The following PTGR1 variants were observed in gnomAD, a reference collection of about 807,000 sequenced individuals.
PTGR1 encodes the protein 15-oxoprostaglandin 13-reductase.
PTGR1 carries 23 observed loss-of-function variants against 37.7 expected under a neutral mutation model. The observed-to-expected ratio is 0.61, with a 90% CI of 0.44 to 0.86. The LOEUF (loss-of-function observed/expected upper bound fraction) is 0.86. Ranked by LOEUF, PTGR1 falls within the 40% of genes least tolerant of loss-of-function variation. PTGR1 has a pLI of 0.00. For synonymous variants in PTGR1, 134 were observed against 140.0 expected (o/e 0.96, Z 0.30); for missense variants, 351 against 394.3 (o/e 0.89, Z 0.93).
At chr9:111,559,277 C>A (rs1036318484), downstream of PTGR1, among the ~76,000 whole-genome samples, 2 of 152,098 alleles carry the variant, frequency 1.3e-5, no homozygotes, top group African/African-American at 4.8e-5. Flanking sequence ...TTACTTTGGG[C>A]CCTTAAACTC....
downstream of PTGR1, among the ~76,000 whole-genome samples, chr9:111,558,062 G>A (rs889915259): frequency 1.3e-5 from 2 of 152,084 alleles, no homozygotes; most frequent in Admixed American, 1.3e-4. Context: ...CAGGAAAATT[G>A]CTTGAACCCG....
At chr9:111,593,302 C>A (rs1203593206) in intron 3 of PTGR1, among the ~76,000 whole-genome samples, 2 of 152,048 alleles carry the variant, frequency 1.3e-5, no homozygotes, top group Non-Finnish European at 2.9e-5. Flanking sequence ...AAAATAGAAC[C>A]CAGGCACCAC....
At chr9:111,579,531 A>G (rs1039378288) in intron 6 of PTGR1, among the ~76,000 whole-genome samples, 3 of 152,082 alleles carry the variant, frequency 2.0e-5, no homozygotes, top group Non-Finnish European at 4.4e-5. Flanking sequence ...AGTAGCTGGG[A>G]CCACAGGTGC....
chr9:111,595,163 G>A (rs908731300), intron 2 of PTGR1, among the ~76,000 whole-genome samples: 1 of 151,838 alleles, frequency 6.6e-6, no homozygotes, highest in Non-Finnish European at 1.5e-5. Context: ...CCTGTTTTTG[G>A]TATTCTAAAA....
chr9:111,558,939 A>G (rs991947052), downstream of PTGR1, among the ~76,000 whole-genome samples: 2 of 152,040 alleles, frequency 1.3e-5, no homozygotes, highest in African/African-American at 2.4e-5. Flanking sequence ...ACCATCTTCT[A>G]TCACCACCAC....
At chr9:111,566,637 T>C (rs1462142086) in intron 9 of PTGR1, among the ~76,000 whole-genome samples, 1 of 152,214 alleles carries the variant, frequency 6.6e-6, no homozygotes, top group African/African-American at 2.4e-5. Context: ...ACTTGGGACC[T>C]GGAAGAGCTG....
Position 111,574,746 on chromosome 9 carries a change from G to C in PTGR1, c.748C>G (p.Pro250Ala). The change falls in exon 8 of 10, where the codon CCA (proline) becomes GCA (alanine). Residue 250 changes from proline (P) to alanine (A), a missense_variant. Physicochemically the swap from Pro to Ala is conservative, Grantham distance 27. Transcript: ENST00000407693. ...GAISTYNRTG[P>A]LPPGPPPEIV... is the part of the protein sequence containing the mutation. ...ATGTGCTCATTACCTGGGGGAAGTG[G>C]GCCGGTTCTGTTATATGTAGAGATG... The C allele has an allele frequency of 6.2e-7, 1 of 1,612,332 alleles. No individual in the cohort carries two copies. Among genetic ancestry groups the C allele is most frequent in the African/African-American group, 1.3e-5 (1 of 74,904 alleles).
intron 9 of PTGR1, 86 bp from the exon 10 acceptor site, chr9:111,563,317 G>T: frequency 1.5e-6 from 2 of 1,298,624 alleles, no homozygotes; most frequent in Non-Finnish European, 2.1e-6. Flanking sequence ...AATTTATCAG[G>T]TACATCATTG....
At chr9:111,569,373 A>C (rs1828709982) in intron 9 of PTGR1, among the ~76,000 whole-genome samples, 2 of 152,236 alleles carry the variant, frequency 1.3e-5, no homozygotes, top group African/African-American at 4.8e-5. Context: ...AGCCAAGGGA[A>C]GAAAGCATAT....
Position 111,597,353 on chromosome 9 carries a change from A to G in PTGR1, c.70T>C (p.Leu24=), listed in dbSNP as rs1168191403. The change falls in exon 2 of 10, where the codon TTG becomes CTG. Residue 24 remains leucine (L), a synonymous_variant. Transcript: ENST00000407693. ...AAGGGTGGGAGCTCAGCTGTCTTCA[A>G]CTCAAAGTCACTATTAGTAGGATAG... is the stretch of plus-strand genomic sequence containing the variant. ...VGYPTNSDFE[L]KTAELPPLKN... 6.2e-7 allele frequency: 1 copy of G among 1,613,466 alleles called. No homozygotes were observed. Among genetic ancestry groups the G allele is most frequent in the Non-Finnish European group, 8.5e-7 (1 of 1,179,676 alleles).
downstream of PTGR1, among the ~76,000 whole-genome samples, chr9:111,559,106 G>A (rs1355138793): frequency 6.6e-6 from 1 of 151,984 alleles, no homozygotes; most frequent in East Asian, 1.9e-4. Context: ...CTCCCCTCAG[G>A]CTCTGACCTC....
Position 111,586,080 on chromosome 9 carries a change from C to G in PTGR1, c.295G>C (p.Gly99Arg), listed in dbSNP as rs762306006. The G allele has an allele frequency of 1.2e-6, 2 of 1,614,202 alleles. No individual in the cohort carries two copies. Among genetic ancestry groups the G allele is most frequent in the Non-Finnish European group, 1.7e-6 (2 of 1,180,028 alleles). ...GTCAGCAGCTTTTCCAGATCTTTCC[C>G]ATCAGAAATGGAGTGCGTTGTCCAG... ...PGWTTHSISDGKDLEKLLTEW... is the reference protein window; with the variant it reads ...PGWTTHSISDRKDLEKLLTEW... Residue 99 changes from glycine (G) to arginine (R), a missense_variant, in exon 5 of 10, where the codon GGG (glycine) becomes CGG (arginine). Transcript: ENST00000407693.
chr9:111,565,721 C>T (rs1260386916), intron 9 of PTGR1, among the ~76,000 whole-genome samples: 2 of 152,034 alleles, frequency 1.3e-5, no homozygotes, highest in Non-Finnish European at 2.9e-5. Flanking sequence ...TGTAGAGTCT[C>T]ATTATGTTGC....
chr9:111,550,893 C>T (rs751367922), intron 9 of PTGR1, among the ~76,000 whole-genome samples: 1 of 152,166 alleles, frequency 6.6e-6, no homozygotes, highest in African/African-American at 2.4e-5. Flanking sequence ...CCTGCATTAT[C>T]CCTGTTTCCT....
downstream of PTGR1, among the ~76,000 whole-genome samples, chr9:111,560,138 G>GTC (rs1488803760): frequency 6.6e-6 from 1 of 151,760 alleles, no homozygotes; most frequent in African/African-American, 2.4e-5. Flanking sequence ...CTGAGGTCAG[G>GTC]AGGTCGAGAC....
chr9:111,579,760 C>T (rs1294032142), intron 6 of PTGR1, among the ~76,000 whole-genome samples: 1 of 152,118 alleles, frequency 6.6e-6, no homozygotes, highest in East Asian at 1.9e-4. Context: ...ACCAGGCCCC[C>T]TTTATCCTTT....
chr9:111,550,308 T>C (rs1827903412), intron 9 of PTGR1, among the ~76,000 whole-genome samples: 1 of 152,190 alleles, frequency 6.6e-6, no homozygotes, highest in Non-Finnish European at 1.5e-5. Flanking sequence ...GGGAGAATGG[T>C]AGCTTGCTTC....
rs918808705 is a variant in PTGR1 at position 111,579,378 on chromosome 9, T to C, written c.496-427A>G. Among the ~76,000 whole-genome samples, 5 of 151,988 alleles carry C rather than the reference T, an allele frequency of 3.3e-5. No individual in the cohort carries two copies. In the South Asian group the frequency reaches 1.0e-3, roughly 32 times the overall value. ...ACAGCCCTCCTAGTAACTGCCCCCTTATCCTTTTTTGATTTTTTAAATGTT... is the reference window on the plus strand; with the variant it reads ...ACAGCCCTCCTAGTAACTGCCCCCTCATCCTTTTTTGATTTTTTAAATGTT... On this transcript the variant is annotated intron_variant, in intron 6 of 9. Coordinates refer to ENST00000407693, the MANE Select transcript of PTGR1 (RefSeq NM_001146108.2).
chr9:111,591,261 C>A (rs2132432169), intron 4 of PTGR1, among the ~76,000 whole-genome samples: 1 of 150,232 alleles, frequency 6.7e-6, no homozygotes, highest in Middle Eastern at 3.4e-3. Context: ...TACGCCATTG[C>A]ACTCCAGCAT....
Sources: gnomAD v4.1 joint callset for allele counts (sites outside exome capture counted in the v4.1 genomes callset) on GRCh38, gnomAD v4.1.1 for gene constraint, MANE v1.5 for transcripts, NCBI Gene and HGNC (gene_info 2026-07-23, HGNC 2026-07-21) for gene names.